MRPL48: variants seen among roughly 807,000 people sequenced by gnomAD.
MRPL48 encodes large ribosomal subunit protein mL48.
In MRPL48, 16 loss-of-function variants were observed where a neutral mutation model predicts 32.9. That is an observed-to-expected ratio of 0.49 (90% CI 0.33 to 0.74). The LOEUF (loss-of-function observed/expected upper bound fraction) is 0.74, where lower values mean the gene tolerates loss of function less well. Ranked by LOEUF, MRPL48 falls within the 30% of genes least tolerant of loss-of-function variation. The probability of loss-of-function intolerance (pLI) is 0.02; values close to 1 mark genes in which losing one functional copy is unlikely to be tolerated. For missense variants in MRPL48, 206 were observed against 245.3 expected (o/e 0.84, Z 1.07); for synonymous variants, 94 against 89.2 (o/e 1.05, Z -0.31).
chr11:73,787,882 C>A lies in MRPL48; in HGVS notation c.-90C>A, dbSNP rs777082074. The A allele has an allele frequency of 6.6e-7, 1 of 1,514,474 alleles. No homozygotes were observed. Among genetic ancestry groups the A allele is most frequent in the Non-Finnish European group, 8.9e-7 (1 of 1,118,184 alleles). 93.8% of individuals were successfully genotyped at this position (1,514,474 alleles called of 1,614,324 possible). On this transcript the variant is annotated 5_prime_UTR_variant, in exon 1 of 8. Transcript: ENST00000310614. ...TATTGCTGCTGCACCTGGTCAAGGC[C>A]GTTCCTTCAGTGTTTTCAGACGCCC...
chr11:73,829,468 C>T (rs564251699), intron 4 of MRPL48, among the ~76,000 whole-genome samples: 7 of 151,088 alleles, frequency 4.6e-5, no homozygotes, highest in South Asian at 2.1e-4. Context: ...TAGGTTCAAG[C>T]GATCCTTCTG....
At chr11:73,824,556 A>G (rs1417849316) in intron 3 of MRPL48, among the ~76,000 whole-genome samples, 3 of 151,878 alleles carry the variant, frequency 2.0e-5, no homozygotes, top group Non-Finnish European at 4.4e-5. Context: ...CTGCACTCCA[A>G]CCTGGGTTAC....
At chr11:73,797,024 T>G (rs1381167462) in intron 1 of MRPL48, among the ~76,000 whole-genome samples, 1 of 152,030 alleles carries the variant, frequency 6.6e-6, no homozygotes, top group African/African-American at 2.4e-5. Context: ...ATCACGCCAT[T>G]GCACTCCAGC....
intron 3 of MRPL48, among the ~76,000 whole-genome samples, chr11:73,818,934 C>T (rs977956964): frequency 6.6e-6 from 1 of 152,110 alleles, no homozygotes; most frequent in Admixed American, 6.6e-5. Context: ...TTTTTAAAGC[C>T]TCCATTTGAA....
chr11:73,826,798 T>C (rs1267236093), intron 4 of MRPL48, among the ~76,000 whole-genome samples: 2 of 141,390 alleles, frequency 1.4e-5, no homozygotes, highest in South Asian at 4.6e-4. Context: ...TTTTTTGAGA[T>C]GGAGTTTCAC....
intron 4 of MRPL48, among the ~76,000 whole-genome samples, chr11:73,840,751 C>T (rs770524198): frequency 3.3e-5 from 5 of 152,056 alleles, no homozygotes; most frequent in Admixed American, 6.6e-5. Context: ...GCACCCACCT[C>T]GGCCTCCCAA....
chr11:73,838,699 T>C (rs536164832), intron 4 of MRPL48, among the ~76,000 whole-genome samples: 1 of 152,312 alleles, frequency 6.6e-6, no homozygotes, highest in South Asian at 2.1e-4. Context: ...AATGCCTGCA[T>C]GTTGGTGGTT....
intron 4 of MRPL48, among the ~76,000 whole-genome samples, chr11:73,835,282 CAGG>C (rs1590979236): frequency 1.3e-5 from 2 of 151,488 alleles, no homozygotes; most frequent in East Asian, 3.9e-4. Flanking sequence ...GCTGGGATTA[CAGG>C]CACGTGCCAC....
At chr11:73,858,027 T>C (rs1948516721) in intron 5 of MRPL48, among the ~76,000 whole-genome samples, 1 of 152,214 alleles carries the variant, frequency 6.6e-6, no homozygotes, top group African/African-American at 2.4e-5. Context: ...GTGGCAGGAA[T>C]GGACAATTCC....
chr11:73,816,189 G>C (rs1401955899), intron 3 of MRPL48, among the ~76,000 whole-genome samples: 3 of 151,544 alleles, frequency 2.0e-5, no homozygotes, highest in Non-Finnish European at 4.4e-5. Flanking sequence ...AGCCTCCCGA[G>C]TAGCTGGGAC....
At chr11:73,795,251 C>T (rs1036587427) in intron 1 of MRPL48, among the ~76,000 whole-genome samples, 1 of 151,856 alleles carries the variant, frequency 6.6e-6, no homozygotes, top group East Asian at 1.9e-4. Flanking sequence ...TTAGTAGAGA[C>T]AGGGTTTCAC....
intron 3 of MRPL48, among the ~76,000 whole-genome samples, chr11:73,809,532 C>A (rs567197630): frequency 6.6e-5 from 10 of 151,494 alleles, no homozygotes; most frequent in Non-Finnish European, 7.4e-5. Flanking sequence ...ATAAAATGCT[C>A]AAAAAGTAGC....
chr11:73,788,472 CTTTTT>C (rs11352308), intron 1 of MRPL48, among the ~76,000 whole-genome samples: 2 of 109,640 alleles, frequency 1.8e-5, no homozygotes, highest in South Asian at 2.9e-4. Context: ...TCTTTTCTTT[CTTTTT>C]TTTTTTTTTT....
chr11:73,846,674 T>C (rs901626565), intron 5 of MRPL48, among the ~76,000 whole-genome samples: 3 of 151,734 alleles, frequency 2.0e-5, no homozygotes, highest in African/African-American at 7.2e-5. Context: ...CTTTTTTTTT[T>C]TTTTCTTTTA....
intron 2 of MRPL48, among the ~76,000 whole-genome samples, chr11:73,807,928 T>C (rs181339472): frequency 1.1e-3 from 173 of 152,316 alleles, no homozygotes; most frequent in Non-Finnish European, 2.2e-3. Context: ...CGTGAGCCGC[T>C]GCGCCCGGCC....
intron 3 of MRPL48, among the ~76,000 whole-genome samples, chr11:73,818,321 A>G (rs1947712577): frequency 6.6e-6 from 1 of 152,176 alleles, no homozygotes; most frequent in Non-Finnish European, 1.5e-5. Flanking sequence ...ATAGAAGTAA[A>G]TATATAAAAC....
At chr11:73,813,893 G>A (rs1947612136) in intron 3 of MRPL48, among the ~76,000 whole-genome samples, 1 of 151,748 alleles carries the variant, frequency 6.6e-6, no homozygotes, top group African/African-American at 2.4e-5. Flanking sequence ...TACAAAAAAT[G>A]AGTGGGACGT....
intron 4 of MRPL48, among the ~76,000 whole-genome samples, chr11:73,833,523 C>G (rs1191737011): frequency 6.6e-6 from 1 of 151,990 alleles, no homozygotes; most frequent in East Asian, 1.9e-4. Context: ...AGAGCCAAAC[C>G]CCTCCTCAAG....
At chr11:73,796,306 GT>G (rs1182730748) in intron 1 of MRPL48, among the ~76,000 whole-genome samples, 3 of 152,274 alleles carry the variant, frequency 2.0e-5, no homozygotes, top group Non-Finnish European at 4.4e-5. Context: ...AGGCTCAGAG[GT>G]GTCTGCTCCT....
Sources: allele counts gnomAD v4.1 joint callset (sites outside exome capture counted in the v4.1 genomes callset), GRCh38; gene constraint gnomAD v4.1.1; transcripts MANE v1.5; gene names NCBI Gene and HGNC (gene_info 2026-07-23, HGNC 2026-07-21).